Variants in CLMN observed in about 807,000 individuals in gnomAD.
CLMN encodes calmin, also known as calmin (calponin-like, transmembrane).
In CLMN, 57 loss-of-function variants were observed where a neutral mutation model predicts 92.7. The observed-to-expected ratio is 0.61, with a 90% confidence interval of 0.50 to 0.77. The LOEUF (loss-of-function observed/expected upper bound fraction) is 0.77. Ranked by LOEUF, CLMN falls within the 30% of genes least tolerant of loss-of-function variation. The pLI is 0.00. For synonymous variants in CLMN, 466 were observed against 470.6 expected (o/e 0.99, Z 0.13); for missense variants, 1,158 against 1,237.5 (o/e 0.94, Z 0.96).
chr14:95,205,966 T>A (rs1897035624), intron 8 of CLMN, among the ~76,000 whole-genome samples: 2 of 152,296 alleles, frequency 1.3e-5, no homozygotes, highest in African/African-American at 4.8e-5. Context: ...GAAACCCGTA[T>A]AAACGTATGA....
intron 1 of CLMN, among the ~76,000 whole-genome samples, chr14:95,235,292 C>T (rs905038274): frequency 6.6e-6 from 1 of 152,222 alleles, no homozygotes; most frequent in African/African-American, 2.4e-5. Context: ...TACTGCCTCA[C>T]ACTGGGGCCG....
intron 10 of CLMN, among the ~76,000 whole-genome samples, chr14:95,195,537 C>T (rs904541848): frequency 3.3e-5 from 5 of 152,268 alleles, no homozygotes; most frequent in Non-Finnish European, 5.9e-5. Flanking sequence ...TCCCCAAATG[C>T]ATACCTCAAT....
rs1009544929 is a variant in CLMN at position 95,183,763 on chromosome 14, G to A, written c.*7801C>T. The A allele has an allele frequency of 6.6e-6, 1 of 152,236 alleles. No homozygotes were observed. The highest frequency in any genetic ancestry group is 3.2e-3 in the Middle Eastern group (1 of 316). 9.4% of individuals were successfully genotyped at this position (152,236 alleles called of 1,614,324 possible). A position where few individuals can be genotyped will look rare whatever the true frequency, so the allele number is the denominator to read the frequency against. ...CCATTTTGGTTGCAAATTTGCAACT[G>A]CAGTGAAGTTTAGAGTGTTTGAAAA... On this transcript the variant is annotated 3_prime_UTR_variant, in exon 13 of 13. Coordinates refer to ENST00000298912, the MANE Select transcript of CLMN (RefSeq NM_024734.4).
At position 95,196,564 on chromosome 14, in the gene CLMN, G is replaced by A; in HGVS notation, c.2642C>T (p.Ala881Val). 1.9e-6 allele frequency: 3 copies of A among 1,614,202 alleles called. No individual in the cohort carries two copies. The highest frequency in any genetic ancestry group is 2.5e-6 in the Non-Finnish European group (3 of 1,180,024). The change falls in exon 10 of 13, where the codon GCA becomes GTA. Residue 881 changes from alanine (A) to valine (V), a missense_variant. Transcript: ENST00000298912. Reference sequence around the variant, plus strand: ...ATCTGAGGATTGAACACTTCCTGGTGCTACAAATAGTGAACTTTCTACGTG... The same window carrying A: ...ATCTGAGGATTGAACACTTCCTGGTACTACAAATAGTGAACTTTCTACGTG... ...VDHVESSLFV[A>V]PGSVQSSDDL...
In CLMN at chr14:95,304,253, T is replaced by C. The variant is rs189197541; in HGVS notation, c.82+15458A>G. Among the ~76,000 whole-genome samples, 4 of 152,206 alleles carry C rather than the reference T, an allele frequency of 2.6e-5. 1 individual carries two copies. The highest frequency in any genetic ancestry group is 4.1e-4 in the South Asian group (2 of 4,822). ...TGGGAGACTGAGGCAGGAGGTTTGA[T>C]TGAGCCTAGGAGTTCAAGGCTGCAG... On this transcript the variant is annotated intron_variant, in intron 1 of 12. Transcript: ENST00000298912.
chr14:95,211,319 A>G lies in CLMN; in HGVS notation c.609-440T>C, dbSNP rs376654339. 1.3e-4 allele frequency among the ~76,000 whole-genome samples: 20 copies of G among 152,204 alleles called. 1 individual carries two copies. In the East Asian group the frequency reaches 2.1e-3, roughly 16 times the overall value. ...TACCTCTCTGAGCCTCAAACTCCAC[A>G]CAGTGAACTTGCTGGGGCTTTTGTG... On this transcript the variant is annotated intron_variant, in intron 6 of 12. Transcript: ENST00000298912.
chr14:95,203,134 C>T lies in CLMN; in HGVS notation c.2215G>A (p.Val739Ile). 6.2e-7 allele frequency: 1 copy of T among 1,613,042 alleles called. No homozygotes were observed. Among genetic ancestry groups the T allele is most frequent in the Non-Finnish European group, 8.5e-7 (1 of 1,180,016 alleles). The change falls in exon 9 of 13, where the codon GTT becomes ATT. Residue 739 changes from valine to isoleucine, a missense_variant. Coordinates refer to ENST00000298912, the MANE Select transcript of CLMN (RefSeq NM_024734.4). ...FPHYEVPLAA[V>I]LEAYVEDPED... is the part of the protein sequence containing the mutation. Reference sequence around the variant, plus strand: ...GGGTCTTCTACATAAGCCTCCAAAACTGCAGCCAGGGGAACCTCATAGTGT... The same window carrying T: ...GGGTCTTCTACATAAGCCTCCAAAATTGCAGCCAGGGGAACCTCATAGTGT...
chr14:95,208,950 C>T (rs542215604), intron 8 of CLMN, among the ~76,000 whole-genome samples: 2 of 152,290 alleles, frequency 1.3e-5, no homozygotes, highest in Admixed American at 6.5e-5. Context: ...AGATCAGCCA[C>T]CACGATATCA....
At chr14:95,272,504 G>A (rs1162657489) in intron 1 of CLMN, among the ~76,000 whole-genome samples, 3 of 152,188 alleles carry the variant, frequency 2.0e-5, no homozygotes, top group East Asian at 1.9e-4. Context: ...CCAGGGGCCC[G>A]GAATCTCAAG....
intron 1 of CLMN, among the ~76,000 whole-genome samples, chr14:95,281,898 A>G (rs1900157365): frequency 6.6e-6 from 1 of 152,220 alleles, no homozygotes; most frequent in South Asian, 2.1e-4. Context: ...GGGCTGTACC[A>G]TGCAGGCAGA....
rs1272414109 is a variant in CLMN at position 95,186,570 on chromosome 14, GTTTC to G, written c.*4990_*4993del. The G allele has an allele frequency of 3.3e-5, 5 of 152,200 alleles. No homozygotes were observed. Among genetic ancestry groups the G allele is most frequent in the South Asian group, 4.1e-4 (2 of 4,828 alleles). 9.4% of individuals were successfully genotyped at this position (152,200 alleles called of 1,614,324 possible). A position where few individuals can be genotyped will look rare whatever the true frequency, so the allele number is the denominator to read the frequency against. ...TGGCAAACACCTGTGTGGACTACTT[GTTTC>G]TTTATTTTTGAGACAGCGTCTCGCT... On this transcript the variant is annotated 3_prime_UTR_variant, in exon 13 of 13. Coordinates refer to ENST00000298912, the MANE Select transcript of CLMN (RefSeq NM_024734.4).
At chr14:95,297,811 G>GCACACA (rs3219870) in intron 1 of CLMN, among the ~76,000 whole-genome samples, 3,582 of 145,064 alleles carry the variant, frequency 0.025, 64 homozygotes, top group Middle Eastern at 0.05. Context: ...AATATGGCAG[G>GCACACA]CACACACACA....
chr14:95,304,800 C>T (rs776325746), intron 1 of CLMN, among the ~76,000 whole-genome samples: 2 of 152,040 alleles, frequency 1.3e-5, no homozygotes, highest in Admixed American at 6.5e-5. Flanking sequence ...ACTCCTCACC[C>T]CCAGCAGCCT....
At position 95,188,672 on chromosome 14, in the gene CLMN, A is replaced by T. The variant is rs1462695515; in HGVS notation, c.*2892T>A. The T allele has an allele frequency of 6.6e-6, 1 of 152,178 alleles. No homozygotes were observed. Among genetic ancestry groups the T allele is most frequent in the Non-Finnish European group, 1.5e-5 (1 of 68,032 alleles). 9.4% of individuals were successfully genotyped at this position (152,178 alleles called of 1,614,324 possible). The stretch of plus-strand genomic sequence containing the variant: ...CAGCACAAGGTTTAACACCCGGGAT[A>T]CAACACCATCATGACAGTTCAGAAC... On this transcript the variant is annotated 3_prime_UTR_variant, in exon 13 of 13. Coordinates refer to ENST00000298912, the MANE Select transcript of CLMN (RefSeq NM_024734.4).
intron 1 of CLMN, among the ~76,000 whole-genome samples, chr14:95,298,107 A>C: frequency 6.7e-6 from 1 of 150,362 alleles, no homozygotes; most frequent in Non-Finnish European, 1.5e-5. Flanking sequence ...AGAATTCTCG[A>C]CTCTCCCAGC....
intron 1 of CLMN, among the ~76,000 whole-genome samples, chr14:95,258,167 A>G (rs1899081442): frequency 6.6e-6 from 1 of 150,940 alleles, no homozygotes; most frequent in Non-Finnish European, 1.5e-5. Flanking sequence ...AGTGTTGTGT[A>G]TATGTGGGGT....
intron 1 of CLMN, among the ~76,000 whole-genome samples, chr14:95,253,119 C>G (rs1898854605): frequency 6.6e-6 from 1 of 152,202 alleles, no homozygotes; most frequent in Non-Finnish European, 1.5e-5. Context: ...CTCCAGGCAT[C>G]TTCCCCTCCA....
At chr14:95,219,120 A>G (rs534608730) in intron 4 of CLMN, among the ~76,000 whole-genome samples, 2 of 152,324 alleles carry the variant, frequency 1.3e-5, no homozygotes, top group East Asian at 3.9e-4. Context: ...TCTGTCTCCA[A>G]TGCTGAGAAG....
At chr14:95,249,783 C>T (rs141038618) in intron 1 of CLMN, among the ~76,000 whole-genome samples, 72 of 152,122 alleles carry the variant, frequency 4.7e-4, no homozygotes, top group African/African-American at 9.2e-4. Flanking sequence ...TCAGTACAGA[C>T]GGGGTTTCAC....
Sources: gnomAD v4.1 joint callset for allele counts (sites outside exome capture counted in the v4.1 genomes callset) on GRCh38, gnomAD v4.1.1 for gene constraint, MANE v1.5 for transcripts, NCBI Gene and HGNC (gene_info 2026-07-23, HGNC 2026-07-21) for gene names.